TPPP2: variants seen among roughly 807,000 people sequenced by gnomAD.
The protein encoded by TPPP2 is tubulin polymerization promoting protein family member 2.
TPPP2 carries 8 observed loss-of-function variants against 13.0 expected under a neutral mutation model. That is an observed-to-expected ratio of 0.62 (90% CI 0.36 to 1.11). The LOEUF is 1.11. Among genes scored for constraint, TPPP2 ranks in the 50% most tolerant of loss-of-function variants. TPPP2 has a pLI of 0.02. For missense variants in TPPP2, 213 were observed against 216.9 expected, an observed-to-expected ratio of 0.98 and a Z score of 0.11; for synonymous variants, 81 against 81.8, an observed-to-expected ratio of 0.99 and a Z score of 0.05.
At chr14:21,033,504 T>A (rs1307660288), downstream of TPPP2, 3 of 398,966 alleles carry the variant, frequency 7.5e-6, no homozygotes, top group African/African-American at 6.1e-5. Flanking sequence ...GGACTTAGGA[T>A]CTGGCCCAGT....
chr14:21,031,803 C>G (rs879338541), intron 3 of TPPP2, 89 bp from the exon 4 acceptor site: 31 of 1,436,864 alleles, frequency 2.2e-5, no homozygotes, highest in Non-Finnish European at 2.8e-5. Flanking sequence ...GCTCCAAGCA[C>G]TTGTTCTAAG....
chr14:21,030,580 C>G lies in TPPP2; in HGVS notation c.-2C>G. ...ACTGCCCTCCCCGACCTCTAGCTGA[C>G]CATGGCATCAGAGGCAGAAAAAACA... On this transcript the variant is annotated 5_prime_UTR_variant, in exon 2 of 4. Coordinates refer to ENST00000321760, the MANE Select transcript of TPPP2 (RefSeq NM_173846.5). The G allele has an allele frequency of 1.9e-6, 3 of 1,613,322 alleles. No individual in the cohort carries two copies. Among genetic ancestry groups the G allele is most frequent in the Non-Finnish European group, 2.5e-6 (3 of 1,179,702 alleles).
At chr14:21,027,187 G>A (rs1186635621), upstream of TPPP2, among the ~76,000 whole-genome samples, 2 of 152,142 alleles carry the variant, frequency 1.3e-5, no homozygotes, top group African/African-American at 4.8e-5. Flanking sequence ...CAGAAGTAAG[G>A]CTGGTTCTCC....
downstream of TPPP2, chr14:21,035,932 G>A (rs1594488081): frequency 2.6e-5 from 11 of 429,860 alleles, no homozygotes; most frequent in Non-Finnish European, 4.2e-5. Context: ...ATTGAATCCT[G>A]CCTCTGCAGC....
chr14:21,031,837 G>C, intron 3 of TPPP2, 55 bp from the exon 4 acceptor site: 2 of 1,559,522 alleles, frequency 1.3e-6, no homozygotes, highest in Non-Finnish European at 1.7e-6. Flanking sequence ...CTTTGGGGAA[G>C]GGATATGACA....
downstream of TPPP2, chr14:21,033,416 C>G (rs77537532): frequency 0.03 from 8,283 of 279,994 alleles, 253 homozygotes; most frequent in East Asian, 0.12. Context: ...CATGAGAAGG[C>G]TGGTGGGGAT....
chr14:21,027,998 T>C (rs1456092909), upstream of TPPP2, among the ~76,000 whole-genome samples: 1 of 152,158 alleles, frequency 6.6e-6, no homozygotes, highest in Non-Finnish European at 1.5e-5. Context: ...TACCGTAAGG[T>C]TAGTGTTATC....
rs773678691 is a variant in TPPP2, at chr14:21,030,625, T to G, written c.44T>G (p.Phe15Cys). The G allele has an allele frequency of 6.2e-7, 1 of 1,614,012 alleles. No homozygotes were observed. The highest frequency in any genetic ancestry group is 8.5e-7 in the Non-Finnish European group (1 of 1,180,006). ...AEKTFHRFAA[F>C]GESSSSGTEM... ...AAAACATTCCATCGGTTTGCTGCGT[T>G]TGGAGAATCATCAAGCAGTGGCACT... is the stretch of plus-strand genomic sequence containing the variant. The change falls in exon 2 of 4, where the codon TTT (phenylalanine) becomes TGT (cysteine). Residue 15 changes from phenylalanine (F) to cysteine (C), a missense_variant. By Grantham distance (205) the Phe-to-Cys change is radical (BLOSUM62 -2). Coordinates refer to ENST00000321760, the MANE Select transcript of TPPP2 (RefSeq NM_173846.5).
At position 21,031,109 on chromosome 14, in the gene TPPP2, C is replaced by T; in HGVS notation, c.271C>T (p.Leu91=). The T allele has an allele frequency of 6.2e-7, 1 of 1,614,162 alleles. No individual in the cohort carries two copies. The highest frequency in any genetic ancestry group is 1.3e-5 in the African/African-American group (1 of 75,032). The change falls in exon 3 of 4, where the codon CTG becomes TTG. Residue 91 remains leucine, a synonymous_variant. Coordinates refer to ENST00000321760, the MANE Select transcript of TPPP2 (RefSeq NM_173846.5). ...RFKGKSPDEV[L]ENIYGLMEGK... Reference sequence around the variant, plus strand: ...CAAAGGGAAGAGTCCAGATGAAGTCCTGGAGAACATTTATGGACTCATGGA... The same window carrying T: ...CAAAGGGAAGAGTCCAGATGAAGTCTTGGAGAACATTTATGGACTCATGGA...
upstream of TPPP2, chr14:21,025,225 G>T: frequency 1.2e-6 from 1 of 854,590 alleles, no homozygotes; most frequent in Non-Finnish European, 1.4e-6. The surrounding 1 kb of genome is among the most constrained non-coding windows in gnomAD (Gnocchi z 5.1). Context: ...AAAGGGTTGT[G>T]CTGGGGCCGG....
In TPPP2 at chr14:21,030,228, CA is replaced by C. The variant is rs1269115467; in HGVS notation, c.-144del. ...CCCTCTGTCTCCTCATTGCCACAGC[CA>C]ACCGGCTCCCACATATCTGCACACA... is the stretch of plus-strand genomic sequence containing the variant. On this transcript the variant is annotated 5_prime_UTR_variant, in exon 1 of 4. Transcript: ENST00000321760. 9.9e-6 allele frequency: 2 copies of C among 202,328 alleles called. No individual in the cohort carries two copies. Among genetic ancestry groups the C allele is most frequent in the Non-Finnish European group, 2.0e-5 (2 of 99,608 alleles). The allele number at this position is 202,328 out of a possible 1,614,324, so 12.5% of individuals were successfully genotyped here.
rs1420094507 is a variant in TPPP2 at position 21,025,007 on chromosome 14, C to T, written n.236+663C>T. 12 of 985,938 alleles carry T rather than the reference C, an allele frequency of 1.2e-5. No homozygotes were observed. Among genetic ancestry groups the T allele is most frequent in the Non-Finnish European group, 1.4e-5 (12 of 830,366 alleles). The allele number at this position is 985,938 out of a possible 1,614,324, so 61.1% of individuals were successfully genotyped here. On this transcript the variant is annotated intron_variant and non_coding_transcript_variant, in intron 1 of 1. Transcript: ENST00000533755. The surrounding 1 kb of genome is among the most constrained non-coding windows in gnomAD (Gnocchi z 5.1). ...CTGGCGCCTTCCAGGCCCTACGGCCCCTCGCCTGCCCCTCCCCCTACCTGC... is the reference window on the plus strand; with the variant it reads ...CTGGCGCCTTCCAGGCCCTACGGCCTCTCGCCTGCCCCTCCCCCTACCTGC...
chr14:21,028,459 C>T (rs1883846150), upstream of TPPP2: 1 of 152,060 alleles, frequency 6.6e-6, no homozygotes, highest in Admixed American at 6.6e-5. Context: ...CAAGGTCTCA[C>T]TTTGTTGGCC....
upstream of TPPP2, chr14:21,025,507 G>A (rs995111699): frequency 1.6e-5 from 16 of 985,314 alleles, no homozygotes; most frequent in African/African-American, 1.7e-5. This position sits in a 1 kb window ranked among gnomAD's most constrained non-coding sequence, Gnocchi z 5.1. Context: ...GACTCCCCCC[G>A]CCCGAACACA....
At chr14:21,036,252 A>G (rs1215921676), downstream of TPPP2, 1 of 456,190 alleles carries the variant, frequency 2.2e-6, no homozygotes, top group Non-Finnish European at 4.4e-6. Context: ...CTCAACTCAA[A>G]TATATCTCTT....
rs555123826 is a variant in TPPP2, at chr14:21,032,420, T to C, written c.*343T>C. On this transcript the variant is annotated 3_prime_UTR_variant, in exon 4 of 4. Coordinates refer to ENST00000321760, the MANE Select transcript of TPPP2 (RefSeq NM_173846.5). ...TACTTGTGTTCACACATTACTGATA[T>C]CCACCTCTCCACCCCCACCCCTCAA... 7.9e-5 allele frequency: 34 copies of C among 432,156 alleles called. No homozygotes were observed. The East Asian group carries it at 1.6e-3, about 21-fold the overall frequency. The allele number at this position is 432,156 out of a possible 1,614,324, so 26.8% of individuals were successfully genotyped here. A position where few individuals can be genotyped will look rare whatever the true frequency, so the allele number is the denominator to read the frequency against.
intron 1 of TPPP2, chr14:21,024,673 C>T: frequency 2.0e-6 from 2 of 985,538 alleles, no homozygotes; most frequent in Non-Finnish European, 2.4e-6. Context: ...TCTCCCCCGA[C>T]GGCCCGCGAA....
At chr14:21,033,791 G>C, downstream of TPPP2, 2 of 1,373,240 alleles carry the variant, frequency 1.5e-6, no homozygotes, top group Non-Finnish European at 2.1e-6. Context: ...GGCCTGTGGT[G>C]GTAGAGGTTG....
At chr14:21,025,843 GTCAATGCCTCAAGGGGCGC>G, upstream of TPPP2, 1 of 385,698 alleles carries the variant, frequency 2.6e-6, no homozygotes, top group Non-Finnish European at 3.5e-6. This position sits in a 1 kb window ranked among gnomAD's most constrained non-coding sequence, Gnocchi z 5.1. Context: ...GGACTCTGGG[GTCAATGCCTCAAGGGGCGC>G]GGGGGAGGGG....
Sources: allele counts gnomAD v4.1 joint callset (sites outside exome capture counted in the v4.1 genomes callset), GRCh38; gene constraint gnomAD v4.1.1; non-coding constraint Gnocchi (gnomAD v3.1); transcripts MANE v1.5; gene names NCBI Gene and HGNC (gene_info 2026-07-23, HGNC 2026-07-21).